TRABD2B: variants seen among roughly 807,000 people sequenced by gnomAD.
The protein encoded by TRABD2B is TraB domain containing 2B.
A neutral mutation model predicts 40.1 loss-of-function variants in TRABD2B; 14 were observed. That is an observed-to-expected ratio of 0.35 (90% CI 0.23 to 0.55). The LOEUF (loss-of-function observed/expected upper bound fraction) is 0.55. Among genes scored for constraint, TRABD2B ranks in the 20% least tolerant of loss-of-function variants. TRABD2B has a pLI of 0.90. For missense variants in TRABD2B, 541 were observed against 648.6 expected, an observed-to-expected ratio of 0.83 and a Z score of 1.80; for synonymous variants, 263 against 277.0, an observed-to-expected ratio of 0.95 and a Z score of 0.50.
At chr1:47,906,341 A>C (rs1471604717) in intron 2 of TRABD2B, among the ~76,000 whole-genome samples, 1 of 152,232 alleles carries the variant, frequency 6.6e-6, no homozygotes, top group East Asian at 1.9e-4. Context: ...ACAGATGAGA[A>C]AACTTAAGCT....
Position 47,844,586 on chromosome 1 carries a change from C to T in TRABD2B, c.667-42967G>A, listed in dbSNP as rs148124049. ...GGTACAGTGCTTACTCTCTGGCAAA[C>T]CCAAGAGATGGGCAGACGCTCTGCT... On this transcript the variant is annotated intron_variant, in intron 2 of 6. Coordinates refer to ENST00000606738, the MANE Select transcript of TRABD2B (RefSeq NM_001194986.2). 3.8e-3 allele frequency among the ~76,000 whole-genome samples: 576 copies of T among 152,256 alleles called. 3 individuals are homozygous for T. Among genetic ancestry groups the T allele is most frequent in the Middle Eastern group, 0.027 (8 of 294 alleles).
intron 2 of TRABD2B, among the ~76,000 whole-genome samples, chr1:47,895,902 G>A (rs886245394): frequency 2.6e-5 from 4 of 152,208 alleles, no homozygotes; most frequent in African/African-American, 4.8e-5. Context: ...CCAGGCCTGC[G>A]CATATTCTCC....
At chr1:47,777,185 G>A (rs1644459193) in intron 5 of TRABD2B, among the ~76,000 whole-genome samples, 1 of 152,224 alleles carries the variant, frequency 6.6e-6, no homozygotes. Context: ...TGAGCTTCAA[G>A]GGGAAGGTCC....
rs527261923 is a variant in TRABD2B, at chr1:47,963,469, T to G, written c.666+30565A>C. On this transcript the variant is annotated intron_variant, in intron 2 of 6. Coordinates refer to ENST00000606738, the MANE Select transcript of TRABD2B (RefSeq NM_001194986.2). ...ACTTAGGAGAAAAAGAGCAGGCCCT[T>G]GCTTTAAGCCAGGACATAAAGAAAC... is the stretch of plus-strand genomic sequence containing the variant. Among the ~76,000 whole-genome samples the G allele has an allele frequency of 5.9e-5, 9 of 152,310 alleles. No individual in the cohort carries two copies. In the South Asian group the frequency reaches 1.9e-3, roughly 32 times the overall value.
At chr1:47,821,481 T>A (rs968471162) in intron 2 of TRABD2B, among the ~76,000 whole-genome samples, 9 of 152,134 alleles carry the variant, frequency 5.9e-5, no homozygotes, top group African/African-American at 2.2e-4. Context: ...GCCCCAAATA[T>A]CAGGACTGGA....
intron 2 of TRABD2B, among the ~76,000 whole-genome samples, chr1:47,879,846 T>C (rs1346769947): frequency 6.6e-6 from 1 of 152,206 alleles, no homozygotes; most frequent in Admixed American, 6.5e-5. Flanking sequence ...CTGTTACTGA[T>C]GTGGCTGAGA....
intron 2 of TRABD2B, among the ~76,000 whole-genome samples, chr1:47,940,007 A>G (rs1336088632): frequency 6.6e-6 from 1 of 152,130 alleles, no homozygotes; most frequent in African/African-American, 2.4e-5. Flanking sequence ...AAGGCCCTTC[A>G]CGATCTGGCT....
chr1:47,938,814 G>C (rs749010843), intron 2 of TRABD2B, among the ~76,000 whole-genome samples: 1 of 152,174 alleles, frequency 6.6e-6, no homozygotes, highest in Non-Finnish European at 1.5e-5. Context: ...CTGAGAACCA[G>C]AGGACTCATT....
chr1:47,869,028 A>G (rs961602839), intron 2 of TRABD2B, among the ~76,000 whole-genome samples: 2 of 151,968 alleles, frequency 1.3e-5, no homozygotes. Context: ...GATTCCCCTA[A>G]TTGGTCCCCT....
intron 2 of TRABD2B, among the ~76,000 whole-genome samples, chr1:47,943,292 A>C (rs975584951): frequency 5.9e-5 from 9 of 152,240 alleles, no homozygotes; most frequent in Admixed American, 1.3e-4. Context: ...ATGTTCCCCC[A>C]CAGGTAAACT....
intron 2 of TRABD2B, among the ~76,000 whole-genome samples, chr1:47,935,763 C>A (rs1645098627): frequency 6.6e-6 from 1 of 152,344 alleles, no homozygotes; most frequent in South Asian, 2.1e-4. Context: ...CTAGAAACCC[C>A]AATATTTAGA....
intron 2 of TRABD2B, among the ~76,000 whole-genome samples, chr1:47,895,377 G>T (rs1444183775): frequency 2.0e-5 from 3 of 152,196 alleles, no homozygotes; most frequent in African/African-American, 7.2e-5. Flanking sequence ...GCTGAGCGGA[G>T]GGAAGCATGT....
chr1:47,801,509 G>A lies in TRABD2B; in HGVS notation c.777C>T (p.Asp259=). The part of the protein sequence containing the change: ...EDLIKHYNCG[D]LSAVIFNHDT... ...CGTGGTTGAAGATGACTGCGCTGAG[G>A]TCTCCGCAGTTGTAGTGCTTGATGA... Residue 259 remains aspartate, a synonymous_variant, in exon 3 of 7, where the codon GAC becomes GAT. Coordinates refer to ENST00000606738, the MANE Select transcript of TRABD2B (RefSeq NM_001194986.2). 4 of 1,536,132 alleles carry A rather than the reference G, an allele frequency of 2.6e-6. No individual in the cohort carries two copies. The South Asian group carries it at 4.8e-5, about 18-fold the overall frequency.
At chr1:47,988,571 C>T (rs1645954525) in intron 2 of TRABD2B, among the ~76,000 whole-genome samples, 1 of 152,140 alleles carries the variant, frequency 6.6e-6, no homozygotes, top group Non-Finnish European at 1.5e-5. Flanking sequence ...AGCCTGGCAG[C>T]AGGATCACCC....
intron 2 of TRABD2B, among the ~76,000 whole-genome samples, chr1:47,981,832 C>T (rs896407504): frequency 3.3e-5 from 5 of 152,242 alleles, no homozygotes; most frequent in African/African-American, 4.8e-5. Flanking sequence ...TAAAGGCCTT[C>T]TCAGACTTGA....
rs112304504 is a variant in TRABD2B at position 47,975,893 on chromosome 1, G to T, written c.666+18141C>A. Among the ~76,000 whole-genome samples, 55 of 152,290 alleles carry T rather than the reference G, an allele frequency of 3.6e-4. 1 individual carries two copies. Among genetic ancestry groups the T allele is most frequent in the African/African-American group, 1.2e-3 (51 of 41,546 alleles). On this transcript the variant is annotated intron_variant, in intron 2 of 6. Transcript: ENST00000606738. Reference sequence around the variant, plus strand: ...GGAAACAGGATTTGGAGTGACAAGAGGAAGGACAGAGGGCACCCCAGGGTA... The same window carrying T: ...GGAAACAGGATTTGGAGTGACAAGATGAAGGACAGAGGGCACCCCAGGGTA...
At chr1:47,871,600 C>G (rs575061751) in intron 2 of TRABD2B, among the ~76,000 whole-genome samples, 1 of 152,306 alleles carries the variant, frequency 6.6e-6, no homozygotes, top group East Asian at 1.9e-4. Flanking sequence ...CGCTCACACA[C>G]TCAGAGCCAG....
intron 2 of TRABD2B, among the ~76,000 whole-genome samples, chr1:47,812,777 G>A (rs1644982687): frequency 6.6e-6 from 1 of 152,104 alleles, no homozygotes. Flanking sequence ...TGATATAGAG[G>A]AGCATGGTGT....
chr1:47,962,844 A>G (rs969523712), intron 2 of TRABD2B, among the ~76,000 whole-genome samples: 6 of 152,180 alleles, frequency 3.9e-5, no homozygotes, highest in African/African-American at 1.4e-4. Flanking sequence ...CTCTAGCCCA[A>G]GGGCTCTTGG....
Sources: allele counts gnomAD v4.1 joint callset (sites outside exome capture counted in the v4.1 genomes callset), GRCh38; gene constraint gnomAD v4.1.1; transcripts MANE v1.5; gene names NCBI Gene and HGNC (gene_info 2026-07-23, HGNC 2026-07-21).